Variants in GALNT10 observed in about 807,000 individuals in gnomAD.
GALNT10 encodes polypeptide N-acetylgalactosaminyltransferase 10, also known as GalNAc transferase 10.
In GALNT10, 41 loss-of-function variants were observed where a neutral mutation model predicts 75.0. The ratio of observed to expected loss-of-function variants is 0.55; its 90% CI spans 0.43 to 0.71. The LOEUF (loss-of-function observed/expected upper bound fraction) is 0.71, where lower values mean the gene tolerates loss of function less well. Among genes scored for constraint, GALNT10 ranks in the 30% least tolerant of loss-of-function variants. The probability of loss-of-function intolerance (pLI) is 0.00; values close to 1 mark genes in which losing one functional copy is unlikely to be tolerated. For missense variants in GALNT10, 727 were observed against 818.5 expected (o/e 0.89, Z 1.36); for synonymous variants, 302 against 313.0 (o/e 0.96, Z 0.37).
intron 4 of GALNT10, among the ~76,000 whole-genome samples, chr5:154,360,472 C>T (rs959798830): frequency 4.9e-5 from 7 of 143,862 alleles, no homozygotes; most frequent in African/African-American, 1.8e-4. Flanking sequence ...AAAAACAAAA[C>T]AAAACCGCAC....
At chr5:154,265,798 C>T (rs1753766855) in intron 1 of GALNT10, among the ~76,000 whole-genome samples, 1 of 152,070 alleles carries the variant, frequency 6.6e-6, no homozygotes, top group Non-Finnish European at 1.5e-5. Context: ...TTTCGGTTTT[C>T]TGGACCCTCT....
chr5:154,292,337 C>A (rs1243253902), intron 1 of GALNT10, among the ~76,000 whole-genome samples: 2 of 152,184 alleles, frequency 1.3e-5, no homozygotes, highest in Non-Finnish European at 2.9e-5. Flanking sequence ...GCATTTCTGG[C>A]AAGTTCCCAG....
At chr5:154,361,107 T>A (rs1329610838) in intron 4 of GALNT10, among the ~76,000 whole-genome samples, 1 of 152,062 alleles carries the variant, frequency 6.6e-6, no homozygotes, top group Non-Finnish European at 1.5e-5. Context: ...GGGTTGTTTT[T>A]TCCTATCTAG....
At chr5:154,311,903 T>C (rs929922679) in intron 3 of GALNT10, among the ~76,000 whole-genome samples, 5 of 152,064 alleles carry the variant, frequency 3.3e-5, no homozygotes, top group African/African-American at 1.2e-4. Context: ...TGAGCCACCG[T>C]ACCCGGTGGA....
intron 4 of GALNT10, among the ~76,000 whole-genome samples, chr5:154,331,491 A>C (rs927579983): frequency 1.1e-4 from 17 of 152,160 alleles, no homozygotes; most frequent in African/African-American, 4.1e-4. Flanking sequence ...CCTCATCTAT[A>C]AAATGGGATC....
chr5:154,349,036 C>G (rs2113141407), intron 4 of GALNT10, among the ~76,000 whole-genome samples: 1 of 152,056 alleles, frequency 6.6e-6, no homozygotes, highest in South Asian at 2.1e-4. Context: ...GGGGGTGGCT[C>G]AAGGCTCTCA....
At chr5:154,260,574 C>T (rs2113023162) in intron 1 of GALNT10, among the ~76,000 whole-genome samples, 1 of 152,188 alleles carries the variant, frequency 6.6e-6, no homozygotes, top group South Asian at 2.1e-4. Flanking sequence ...ATGTTTCTAA[C>T]AAAGTTTTAT....
At position 154,244,810 on chromosome 5, in the gene GALNT10, G is replaced by C. The variant is rs141777711; in HGVS notation, c.160-50006G>C. On this transcript the variant is annotated intron_variant, in intron 1 of 11. Transcript: ENST00000297107. ...ACTGCTGGGGTATATCTTCAAAGAT[G>C]AATGTGTGTTTTCTAGGCAAATGGA... is the stretch of plus-strand genomic sequence containing the variant. Among the ~76,000 whole-genome samples, 95 of 152,340 alleles carry C rather than the reference G, an allele frequency of 6.2e-4. 1 individual carries two copies. Among genetic ancestry groups the C allele is most frequent in the South Asian group, 1.5e-3 (7 of 4,824 alleles).
chr5:154,239,309 C>T (rs751596585), intron 1 of GALNT10, among the ~76,000 whole-genome samples: 55 of 152,328 alleles, frequency 3.6e-4, no homozygotes, highest in Non-Finnish European at 7.3e-4. Flanking sequence ...AGGGTCATCA[C>T]CCTGGGCAGG....
At chr5:154,230,054 G>A (rs1219503207) in intron 1 of GALNT10, among the ~76,000 whole-genome samples, 1 of 152,070 alleles carries the variant, frequency 6.6e-6, no homozygotes, top group Non-Finnish European at 1.5e-5. Context: ...AAAAGGCAGT[G>A]TTCCCATTAC....
chr5:154,350,202 A>T (rs929418166), intron 4 of GALNT10, among the ~76,000 whole-genome samples: 3 of 151,118 alleles, frequency 2.0e-5, no homozygotes, highest in African/African-American at 7.3e-5. Context: ...AAAAAAAAAA[A>T]TGTAGTCCCC....
intron 3 of GALNT10, among the ~76,000 whole-genome samples, chr5:154,313,877 C>G (rs1338207940): frequency 6.6e-6 from 1 of 152,154 alleles, no homozygotes; most frequent in Non-Finnish European, 1.5e-5. Flanking sequence ...CACACTCTAC[C>G]CACTAAGACT....
chr5:154,365,635 G>A lies in GALNT10; in HGVS notation c.569-10642G>A, dbSNP rs115905389. Among the ~76,000 whole-genome samples, 409 of 152,122 alleles carry A rather than the reference G, an allele frequency of 2.7e-3. 3 individuals carry two copies. Among genetic ancestry groups the A allele is most frequent in the African/African-American group, 9.4e-3 (389 of 41,490 alleles). On this transcript the variant is annotated intron_variant, in intron 4 of 11. Transcript: ENST00000297107. The stretch of plus-strand genomic sequence containing the variant: ...CACTTGATGGAAGAGGCAGAGTAGG[G>A]GTTTTACATCACATACTCTATAGCA...
chr5:154,322,447 T>C (rs1277888538), intron 3 of GALNT10, among the ~76,000 whole-genome samples: 3 of 152,116 alleles, frequency 2.0e-5, no homozygotes, highest in Non-Finnish European at 2.9e-5. Context: ...TGTGATTACA[T>C]TGGGACCACC....
chr5:154,332,727 C>T (rs906812522), intron 4 of GALNT10, among the ~76,000 whole-genome samples: 10 of 152,294 alleles, frequency 6.6e-5, no homozygotes, highest in African/African-American at 2.4e-4. Flanking sequence ...GGGCCATCTT[C>T]ATCCAGCAAG....
At chr5:154,302,120 C>G (rs537632869) in intron 3 of GALNT10, among the ~76,000 whole-genome samples, 1 of 152,198 alleles carries the variant, frequency 6.6e-6, no homozygotes, top group African/African-American at 2.4e-5. Flanking sequence ...TTAGAGCAGT[C>G]GAGCCGCTCA....
chr5:154,309,140 T>C (rs1239907373), intron 3 of GALNT10, among the ~76,000 whole-genome samples: 2 of 152,150 alleles, frequency 1.3e-5, no homozygotes, highest in South Asian at 2.1e-4. Flanking sequence ...AGATGGCATA[T>C]GAACAGAGCT....
At chr5:154,321,339 T>G (rs1339930175) in intron 3 of GALNT10, among the ~76,000 whole-genome samples, 1 of 151,870 alleles carries the variant, frequency 6.6e-6, no homozygotes, top group Non-Finnish European at 1.5e-5. Context: ...AGACACGGTC[T>G]CGCTCTGTCA....
intron 3 of GALNT10, among the ~76,000 whole-genome samples, chr5:154,300,510 G>A (rs1039867919): frequency 5.9e-5 from 9 of 152,170 alleles, no homozygotes; most frequent in Non-Finnish European, 8.8e-5. Context: ...CAATTCTCAC[G>A]TATAATGAGG....
Sources: gnomAD v4.1 joint callset for allele counts (sites outside exome capture counted in the v4.1 genomes callset) on GRCh38, gnomAD v4.1.1 for gene constraint, MANE v1.5 for transcripts, NCBI Gene and HGNC (gene_info 2026-07-23, HGNC 2026-07-21) for gene names.